KIAA0513: variants seen among roughly 807,000 people sequenced by gnomAD.
KIAA0513 encodes KIAA0513.
A neutral mutation model predicts 56.5 loss-of-function variants in KIAA0513; 39 were observed. That is an observed-to-expected ratio of 0.69 (90% CI 0.53 to 0.90). The LOEUF (loss-of-function observed/expected upper bound fraction) is 0.90. Among genes scored for constraint, KIAA0513 ranks in the 40% least tolerant of loss-of-function variants. The pLI is 0.00. For missense variants in KIAA0513, 591 were observed against 535.2 expected, an observed-to-expected ratio of 1.10 and a Z score of -1.03; for synonymous variants, 268 against 215.6, an observed-to-expected ratio of 1.24 and a Z score of -2.13.
chr16:85,050,594 G>GCGTGAGC (rs1297580325), intron 1 of KIAA0513, among the ~76,000 whole-genome samples: 1 of 152,160 alleles, frequency 6.6e-6, no homozygotes, highest in Admixed American at 6.5e-5. Flanking sequence ...AGGATTACAG[G>GCGTGAGC]CGTGAGCCGC....
intron 1 of KIAA0513, among the ~76,000 whole-genome samples, chr16:85,037,332 G>A (rs2073048456): frequency 1.3e-5 from 2 of 152,122 alleles, no homozygotes; most frequent in African/African-American, 4.8e-5. Context: ...CGTGTGGACG[G>A]CTGCTGTGAC....
chr16:85,058,450 C>T (rs915356291), intron 1 of KIAA0513, among the ~76,000 whole-genome samples: 4 of 152,104 alleles, frequency 2.6e-5, no homozygotes, highest in Non-Finnish European at 5.9e-5. Flanking sequence ...GTCAGGAGTT[C>T]GAGACTAGCC....
rs1597645214 is a variant in KIAA0513 at position 85,081,833 on chromosome 16, G to A, written c.980+441G>A. ...GTTGCCGCTCGCAACTCACCTCTTGGGTCTGCAGCCTGAGCAGACCTTCCC... is the reference window on the plus strand; with the variant it reads ...GTTGCCGCTCGCAACTCACCTCTTGAGTCTGCAGCCTGAGCAGACCTTCCC... On this transcript the variant is annotated intron_variant, in intron 9 of 12. Transcript: ENST00000683363. The surrounding 1 kb of genome is among the most constrained non-coding windows in gnomAD (Gnocchi z 4.4). Among the ~76,000 whole-genome samples, 1 of 152,160 alleles carries A rather than the reference G, an allele frequency of 6.6e-6. No individual in the cohort carries two copies. The highest frequency in any genetic ancestry group is 2.4e-5 in the African/African-American group (1 of 41,446).
In KIAA0513 at chr16:85,066,949, G is replaced by C. The variant is rs117934807; in HGVS notation, c.-123G>C. On this transcript the variant is annotated 5_prime_UTR_variant, in exon 2 of 13. Coordinates refer to ENST00000683363, the MANE Select transcript of KIAA0513 (RefSeq NM_001388359.1). ...TGTGAAGGACTCATTCTTGGTAGCC[G>C]GCAGTTACTGGCAACTTGTGAGCTT... is the stretch of plus-strand genomic sequence containing the variant. 37 of 736,094 alleles carry C rather than the reference G, an allele frequency of 5.0e-5. No individual in the cohort carries two copies. Among genetic ancestry groups the C allele is most frequent in the Non-Finnish European group, 7.8e-5 (36 of 462,132 alleles). 45.6% of individuals were successfully genotyped at this position (736,094 alleles called of 1,614,324 possible).
At position 85,077,566 on chromosome 16, in the gene KIAA0513, A is replaced by G; in HGVS notation, c.716A>G (p.Glu239Gly). 2 of 1,614,140 alleles carry G rather than the reference A, an allele frequency of 1.2e-6. No homozygotes were observed. Among genetic ancestry groups the G allele is most frequent in the Non-Finnish European group, 1.7e-6 (2 of 1,180,026 alleles). ...CTGAAGAACACCTCGGCCAGGACTG[A>G]GAATGTCAAGGGCTTCTTCGGGGGG... ...RLLKNTSART[E>G]NVKGFFGGLE... The change falls in exon 6 of 13, where the codon GAG becomes GGG. Residue 239 changes from glutamate (E) to glycine (G), a missense_variant. Physicochemically the swap from Glu to Gly is moderately conservative, Grantham distance 98 (BLOSUM62 -2). Transcript: ENST00000683363.
At chr16:85,069,514 G>T (rs926879728) in intron 2 of KIAA0513, among the ~76,000 whole-genome samples, 1 of 152,084 alleles carries the variant, frequency 6.6e-6, no homozygotes, top group Non-Finnish European at 1.5e-5. Context: ...CGTCCACTGA[G>T]AAGTGGGAAT....
Position 85,077,529 on chromosome 16 carries a change from G to C in KIAA0513, c.679G>C (p.Ala227Pro), listed in dbSNP as rs759199789. 1 of 1,614,060 alleles carries C rather than the reference G, an allele frequency of 6.2e-7. No homozygotes were observed. The highest frequency in any genetic ancestry group is 8.5e-7 in the Non-Finnish European group (1 of 1,180,048). ...CTGGCTGGCCGAAAAGAAGGACATC[G>C]CCGAGCGGCTGCTGAAGAACACCTC... ...NSWLAEKKDI[A>P]ERLLKNTSAR... The change falls in exon 6 of 13, where the codon GCC becomes CCC. Residue 227 changes from alanine (A) to proline (P), a missense_variant. Ala to Pro is a conservative substitution (Grantham distance 27, BLOSUM62 -1). Transcript: ENST00000683363.
intron 1 of KIAA0513, among the ~76,000 whole-genome samples, chr16:85,034,195 A>G (rs2073004414): frequency 6.6e-6 from 1 of 152,096 alleles, no homozygotes; most frequent in Non-Finnish European, 1.5e-5. Context: ...CCTGGCCAAC[A>G]TGGTGAAAAC....
rs374815525 is a variant in KIAA0513 at position 85,047,588 on chromosome 16, C to T, written c.-172-19312C>T. Among the ~76,000 whole-genome samples, 9 of 152,352 alleles carry T rather than the reference C, an allele frequency of 5.9e-5. No homozygotes were observed. In the Middle Eastern group the frequency reaches 0.01, roughly 173 times the overall value. ...GTTTCCTCAGAGCTTCAGACACCTG[C>T]AGGCTGACCCCTCTGCTGGCACTGT... On this transcript the variant is annotated intron_variant, in intron 1 of 12. Transcript: ENST00000683363.
rs1454784466 is a variant in KIAA0513 at position 85,087,113 on chromosome 16, A to C, written c.1133A>C (p.Lys378Thr). ...HNMLAFGLNKKLCNDFLKKQA... is the reference protein window; with the variant it reads ...HNMLAFGLNKTLCNDFLKKQA... ...ATGCTGGCCTTTGGACTGAACAAGA[A>C]GCTGTGCAATGACTTCCTGAAGAAG... The change falls in exon 12 of 13, where the codon AAG becomes ACG. Residue 378 changes from lysine (K) to threonine (T), a missense_variant. Coordinates refer to ENST00000683363, the MANE Select transcript of KIAA0513 (RefSeq NM_001388359.1). 2 of 1,614,180 alleles carry C rather than the reference A, an allele frequency of 1.2e-6. No homozygotes were observed. Among genetic ancestry groups the C allele is most frequent in the South Asian group, 2.2e-5 (2 of 91,080 alleles).
chr16:85,049,075 C>T (rs1390154127), intron 1 of KIAA0513, among the ~76,000 whole-genome samples: 1 of 152,246 alleles, frequency 6.6e-6, no homozygotes, highest in Non-Finnish European at 1.5e-5. Context: ...TGCACGGTGG[C>T]CATGTCCCCT....
chr16:85,062,398 T>C (rs559769799), intron 1 of KIAA0513, among the ~76,000 whole-genome samples: 2 of 152,322 alleles, frequency 1.3e-5, no homozygotes, highest in African/African-American at 4.8e-5. Flanking sequence ...ATTTGGTTGG[T>C]GGAAGCCTCC....
At position 85,076,590 on chromosome 16, in the gene KIAA0513, T is replaced by A. The variant is rs950623887; in HGVS notation, c.574+676T>A. Among the ~76,000 whole-genome samples, 2 of 152,038 alleles carry A rather than the reference T, an allele frequency of 1.3e-5. No homozygotes were observed. Among genetic ancestry groups the A allele is most frequent in the African/African-American group, 4.8e-5 (2 of 41,406 alleles). On this transcript the variant is annotated intron_variant, in intron 5 of 12. Transcript: ENST00000683363. This position sits in a 1 kb window ranked among gnomAD's most constrained non-coding sequence, Gnocchi z 4.7. ...TGCTAGGCCCTGGTCCCCCGTGCTT[T>A]CCTCTCTCGGGACCCGCGTGCTCAC...
At chr16:85,042,876 G>A (rs908870807) in intron 1 of KIAA0513, among the ~76,000 whole-genome samples, 1 of 152,200 alleles carries the variant, frequency 6.6e-6, no homozygotes, top group African/African-American at 2.4e-5. Context: ...GACATTCCCC[G>A]AGAGGGAGGA....
At chr16:85,074,313 C>T (rs1461786457) in intron 4 of KIAA0513, among the ~76,000 whole-genome samples, 1 of 146,266 alleles carries the variant, frequency 6.8e-6, no homozygotes, top group South Asian at 2.3e-4. Flanking sequence ...TACACACATA[C>T]ACACACACAC....
chr16:85,081,371 C>A lies in KIAA0513; in HGVS notation c.959C>A (p.Thr320Lys). 1.9e-6 allele frequency: 3 copies of A among 1,578,360 alleles called. No individual in the cohort carries two copies. In the South Asian group the frequency reaches 3.5e-5, roughly 18 times the overall value. ...TTTGACGCTGTCCATTGTGAGAGGA[C>A]AAAGCGATCTCCCACTACCAGGTAG... ...AFFDAVHCER[T>K]KRSPTTRGDA... The change falls in exon 9 of 13, where the codon ACA becomes AAA. Residue 320 changes from threonine (T) to lysine (K), a missense_variant. Coordinates refer to ENST00000683363, the MANE Select transcript of KIAA0513 (RefSeq NM_001388359.1). This position sits in a 1 kb window ranked among gnomAD's most constrained non-coding sequence, Gnocchi z 4.4.
intron 1 of KIAA0513, among the ~76,000 whole-genome samples, chr16:85,040,379 T>C (rs1170473647): frequency 6.6e-6 from 1 of 151,634 alleles, no homozygotes; most frequent in African/African-American, 2.4e-5. Flanking sequence ...GAAACCCCAC[T>C]GTTGGCTGGG....
In KIAA0513 at chr16:85,077,521, A is replaced by G. The variant is rs2073674462; in HGVS notation, c.671A>G (p.Lys224Arg). 6.2e-7 allele frequency: 1 copy of G among 1,614,070 alleles called. No homozygotes were observed. The highest frequency in any genetic ancestry group is 8.5e-7 in the Non-Finnish European group (1 of 1,180,030). ...GCAAACAGCTGGCTGGCCGAAAAGA[A>G]GGACATCGCCGAGCGGCTGCTGAAG... ...KSANSWLAEK[K>R]DIAERLLKNT... Residue 224 changes from lysine (K) to arginine (R), a missense_variant, in exon 6 of 13, where the codon AAG (lysine) becomes AGG (arginine). Lys to Arg is a conservative substitution (Grantham distance 26). Transcript: ENST00000683363.
chr16:85,069,088 C>T (rs920964738), intron 2 of KIAA0513, among the ~76,000 whole-genome samples: 12 of 151,952 alleles, frequency 7.9e-5, no homozygotes, highest in Admixed American at 1.3e-4. Context: ...TGGAGTGCAG[C>T]GACACAATCA....
Sources: allele counts gnomAD v4.1 joint callset (sites outside exome capture counted in the v4.1 genomes callset), GRCh38; gene constraint gnomAD v4.1.1; non-coding constraint Gnocchi (gnomAD v3.1); transcripts MANE v1.5; gene names NCBI Gene and HGNC (gene_info 2026-07-23, HGNC 2026-07-21).